MACF1: variants seen among roughly 807,000 people sequenced by gnomAD.
MACF1 encodes microtubule-actin cross-linking factor 1.
Under a neutral mutation model 854.8 loss-of-function variants are expected in MACF1, and 193 were observed. The observed-to-expected ratio is 0.23, with a 90% CI of 0.20 to 0.25. The LOEUF (loss-of-function observed/expected upper bound fraction) is 0.25. Ranked by LOEUF, MACF1 falls within the 10% of genes least tolerant of loss-of-function variation. MACF1 has a pLI of 1.00. For missense variants in MACF1, 7,722 were observed against 8,929.1 expected (o/e 0.86, Z 5.45); for synonymous variants, 3,185 against 3,226.7 (o/e 0.99, Z 0.44).
At chr1:39,185,149 G>A (rs1449617558) in intron 2 of MACF1, among the ~76,000 whole-genome samples, 2 of 152,098 alleles carry the variant, frequency 1.3e-5, no homozygotes. Flanking sequence ...AAAATTAGCT[G>A]GGCGTGGTGG....
chr1:39,419,797 T>TAGTGTG (rs1553382972), intron 58 of MACF1, among the ~76,000 whole-genome samples: 1 of 82,740 alleles, frequency 1.2e-5, no homozygotes, highest in South Asian at 3.4e-4. Flanking sequence ...CATGCCTGGC[T>TAGTGTG]AGTGTGTGTG....
At chr1:39,224,553 G>C (rs1247336789) in intron 1 of MACF1, among the ~76,000 whole-genome samples, 3 of 152,166 alleles carry the variant, frequency 2.0e-5, no homozygotes, top group Non-Finnish European at 4.4e-5. Context: ...CAATTTCAGT[G>C]AATTTGTGGG....
intron 23 of MACF1, among the ~76,000 whole-genome samples, chr1:39,306,330 G>T (rs966440846): frequency 1.3e-5 from 2 of 152,026 alleles, no homozygotes; most frequent in Non-Finnish European, 2.9e-5. Flanking sequence ...GTTTCACCAT[G>T]TTGGCCAGGC....
rs1003771757 is a variant in MACF1, at chr1:39,450,932, C to T, written c.20259-120C>T. The T allele has an allele frequency of 4.3e-6, 5 of 1,174,290 alleles. No individual in the cohort carries two copies. In the South Asian group the frequency reaches 7.3e-5, roughly 17 times the overall value. 72.7% of individuals were successfully genotyped at this position (1,174,290 alleles called of 1,614,324 possible). ...GGCCTTTACTGTATTTCTAACTGTTCTAACATAGAAGTCACTCTCTATATA... is the reference window on the plus strand; with the variant it reads ...GGCCTTTACTGTATTTCTAACTGTTTTAACATAGAAGTCACTCTCTATATA... On this transcript the variant is annotated intron_variant, in intron 84 of 100. Coordinates refer to ENST00000564288, the MANE Select transcript of MACF1 (RefSeq NM_001394062.1).
intron 2 of MACF1, among the ~76,000 whole-genome samples, chr1:39,111,345 G>A (rs1642398224): frequency 6.6e-6 from 1 of 151,688 alleles, no homozygotes; most frequent in Admixed American, 6.6e-5. Flanking sequence ...AAAGGTGCAT[G>A]CCACCATGCC....
Position 39,461,890 on chromosome 1 carries a change from C to T in MACF1, c.21531C>T (p.Pro7177=). Residue 7177 remains proline, a synonymous_variant, in exon 93 of 101, where the codon CCC becomes CCT. Coordinates refer to ENST00000564288, the MANE Select transcript of MACF1 (RefSeq NM_001394062.1). ...FIDGILASKF[P]TTKLEMTAVA... ...ATGATTCCTTTTCTCCAGAGTTCCCCACCACCAAGTTAGAGATGACTGCTG... is the reference window on the plus strand; with the variant it reads ...ATGATTCCTTTTCTCCAGAGTTCCCTACCACCAAGTTAGAGATGACTGCTG... 1 of 1,612,898 alleles carries T rather than the reference C, an allele frequency of 6.2e-7. No individual in the cohort carries two copies. Among genetic ancestry groups the T allele is most frequent in the Non-Finnish European group, 8.5e-7 (1 of 1,179,514 alleles).
chr1:39,291,265 C>T (rs1468009269), intron 15 of MACF1, among the ~76,000 whole-genome samples: 1 of 152,236 alleles, frequency 6.6e-6, no homozygotes, highest in Non-Finnish European at 1.5e-5. Flanking sequence ...GCGTGAGCCA[C>T]TGCGCCTGGC....
chr1:39,446,367 TC>T (rs1441678554), intron 80 of MACF1, among the ~76,000 whole-genome samples: 4 of 151,846 alleles, frequency 2.6e-5, no homozygotes, highest in Non-Finnish European at 4.4e-5. Flanking sequence ...TGGAAAGAAT[TC>T]CTATCATCTA....
rs1156241611 is a variant in MACF1, at chr1:39,084,913, G to C, written c.220+475G>C. 6.6e-6 allele frequency among the ~76,000 whole-genome samples: 1 copy of C among 152,140 alleles called. No homozygotes were observed. Among genetic ancestry groups the C allele is most frequent in the Non-Finnish European group, 1.5e-5 (1 of 68,020 alleles). On this transcript the variant is annotated intron_variant, in intron 2 of 93. Transcript: ENST00000361689. This position sits in a 1 kb window ranked among gnomAD's most constrained non-coding sequence, Gnocchi z 5.2. The stretch of plus-strand genomic sequence containing the variant: ...TGCTGCTGAGAACATGGTTAAGAAT[G>C]ATTTGACTTCTGTTATTTCCTTATA...
chr1:39,186,446 T>G (rs191257502), intron 2 of MACF1, among the ~76,000 whole-genome samples: 1 of 151,966 alleles, frequency 6.6e-6, no homozygotes, highest in East Asian at 1.9e-4. Context: ...AATGACTTTT[T>G]TAGGGGCTCA....
chr1:39,361,578 C>T lies in MACF1; in HGVS notation c.12672C>T (p.Leu4224=). ...LLPQAEMFEH[L]SGKLQQFMEN... ...CCCAGGCAGAGATGTTTGAACACCT[C>T]TCTGGTAAGCTGCAGCAGTTCATGG... The change falls in exon 49 of 101, where the codon CTC becomes CTT. Residue 4224 remains leucine, a synonymous_variant. Coordinates refer to ENST00000564288, the MANE Select transcript of MACF1 (RefSeq NM_001394062.1). 6.2e-7 allele frequency: 1 copy of T among 1,614,186 alleles called. No homozygotes were observed. The highest frequency in any genetic ancestry group is 8.5e-7 in the Non-Finnish European group (1 of 1,180,038).
At chr1:39,269,165 C>G (rs1340176485) in intron 6 of MACF1, 2 of 1,289,788 alleles carry the variant, frequency 1.6e-6, no homozygotes, top group South Asian at 1.2e-5. Flanking sequence ...AAAGGAACTG[C>G]GAGAAGTCAG....
chr1:39,109,227 A>G (rs773940812), intron 2 of MACF1, among the ~76,000 whole-genome samples: 13 of 152,170 alleles, frequency 8.5e-5, no homozygotes, highest in Admixed American at 3.9e-4. Context: ...GAGAATATAA[A>G]TGAGCTCTGG....
chr1:39,245,105 T>C (rs1644967892), intron 2 of MACF1, among the ~76,000 whole-genome samples: 1 of 152,218 alleles, frequency 6.6e-6, no homozygotes, highest in South Asian at 2.1e-4. Context: ...TCTTATAATA[T>C]GTACAAGTTT....
intron 2 of MACF1, among the ~76,000 whole-genome samples, chr1:39,110,921 CAA>C (rs2148144047): frequency 6.6e-6 from 1 of 152,250 alleles, no homozygotes; most frequent in Admixed American, 6.5e-5. Flanking sequence ...ATCCCAAGAT[CAA>C]AAGTCACAAA....
chr1:39,266,592 T>TC (rs1276396387), intron 6 of MACF1, among the ~76,000 whole-genome samples: 1 of 128,864 alleles, frequency 7.8e-6, no homozygotes, highest in Non-Finnish European at 1.6e-5. Context: ...TGTGGTCTTT[T>TC]CCTTTTTTTT....
intron 31 of MACF1, among the ~76,000 whole-genome samples, chr1:39,320,785 T>C (rs889347141): frequency 6.6e-6 from 1 of 151,620 alleles, no homozygotes; most frequent in South Asian, 2.1e-4. Context: ...CTGGGCAACA[T>C]ATCAAGATCC....
At chr1:39,218,237 C>CT (rs1644603151) in intron 1 of MACF1, among the ~76,000 whole-genome samples, 1 of 143,038 alleles carries the variant, frequency 7.0e-6, no homozygotes. Context: ...GGCTGGTTTA[C>CT]AGACTGATAT....
chr1:39,087,394 T>C (rs1289023126), intron 2 of MACF1, among the ~76,000 whole-genome samples: 1 of 152,206 alleles, frequency 6.6e-6, no homozygotes, highest in Non-Finnish European at 1.5e-5. Flanking sequence ...AGCCTGGTGG[T>C]CACACATGTC....
Sources: allele counts gnomAD v4.1 joint callset (sites outside exome capture counted in the v4.1 genomes callset), GRCh38; gene constraint gnomAD v4.1.1; non-coding constraint Gnocchi (gnomAD v3.1); transcripts MANE v1.5; gene names NCBI Gene and HGNC (gene_info 2026-07-23, HGNC 2026-07-21).